SPATA1: variants seen among roughly 807,000 people sequenced by gnomAD.
The protein encoded by SPATA1 is spermatogenesis-associated protein 1.
A neutral mutation model predicts 59.6 loss-of-function variants in SPATA1; 57 were observed. The ratio of observed to expected loss-of-function variants is 0.96; its 90% CI spans 0.77 to 1.19. The LOEUF is 1.19. Among genes scored for constraint, SPATA1 ranks in the 50% most tolerant of loss-of-function variants. SPATA1 has a pLI of 0.00. For missense variants in SPATA1, 448 were observed against 480.7 expected, an observed-to-expected ratio of 0.93 and a Z score of 0.64; for synonymous variants, 147 against 163.9, an observed-to-expected ratio of 0.90 and a Z score of 0.79.
chr1:84,535,841 G>A (rs1031555541), intron 8 of SPATA1, among the ~76,000 whole-genome samples: 2 of 152,050 alleles, frequency 1.3e-5, no homozygotes, highest in African/African-American at 2.4e-5. Flanking sequence ...CTTCCTGAGT[G>A]TGAGAAGTTG....
intron 1 of SPATA1, among the ~76,000 whole-genome samples, chr1:84,515,046 C>T (rs1447336125): frequency 6.6e-6 from 1 of 152,132 alleles, no homozygotes; most frequent in Non-Finnish European, 1.5e-5. Flanking sequence ...TTTTAGCCTA[C>T]TAATTTGCAT....
At chr1:84,565,819 A>C in intron 4 of SPATA1, 42 bp from the exon 14 acceptor site, 1 of 1,305,216 alleles carries the variant, frequency 7.7e-7, no homozygotes, top group Non-Finnish European at 1.0e-6. Context: ...TTATTAATAA[A>C]TGACCATGTT....
intron 1 of SPATA1, among the ~76,000 whole-genome samples, chr1:84,508,031 C>T (rs935126865): frequency 2.6e-5 from 4 of 152,142 alleles, no homozygotes; most frequent in Admixed American, 6.5e-5. Flanking sequence ...CCTGTAATCC[C>T]AGCACTTTAG....
intron 1 of SPATA1, among the ~76,000 whole-genome samples, chr1:84,514,554 G>C (rs1246236): frequency 0.46 from 70,366 of 151,882 alleles, 18,154 homozygotes; most frequent in African/African-American, 0.69. Flanking sequence ...TTTGAGCATT[G>C]CAGATTTCAG....
downstream of SPATA1, among the ~76,000 whole-genome samples, chr1:84,557,621 C>T (rs1316029773): frequency 1.1e-4 from 16 of 150,150 alleles, no homozygotes; most frequent in Admixed American, 1.1e-3. Context: ...TTTGGGAGGC[C>T]GAGATGGGCA....
rs10618711 is a variant in SPATA1, at chr1:84,546,457, C to CA, written c.946+721dup. On this transcript the variant is annotated intron_variant, in intron 10 of 12. Coordinates refer to ENST00000490879, the Ensembl canonical transcript of SPATA1. ...TGGGTGACAAAGCAAGACTCTGCCT[C>CA]AAAAAAAAAAAAAAAAAAAAAAACT... is the stretch of plus-strand genomic sequence containing the variant. Among the ~76,000 whole-genome samples the CA allele has an allele frequency of 6.7e-3, 550 of 81,672 alleles. 4 individuals carry two copies. The highest frequency in any genetic ancestry group is 0.022 in the Middle Eastern group (3 of 138). 53.6% of individuals were successfully genotyped at this position (81,672 alleles called of 152,430 possible).
In SPATA1 at chr1:84,565,793, T is replaced by C. The variant is rs766457857; in HGVS notation, n.443-68T>C. 5.9e-6 allele frequency: 6 copies of C among 1,024,460 alleles called. No individual in the cohort carries two copies. In the African/African-American group the frequency reaches 1.0e-4, roughly 17 times the overall value. 63.5% of individuals were successfully genotyped at this position (1,024,460 alleles called of 1,614,324 possible). ...AAAAACATCTTAATATTTTAATTTATAGAATATTATTAATATTATTAATAA... is the reference window on the plus strand; with the variant it reads ...AAAAACATCTTAATATTTTAATTTACAGAATATTATTAATATTATTAATAA... On this transcript the variant is annotated intron_variant and non_coding_transcript_variant, in intron 4 of 4. Transcript: ENST00000460286.
chr1:84,522,215 G>C (rs1334528101), intron 3 of SPATA1, among the ~76,000 whole-genome samples, 175 bp from the exon 4 acceptor site: 4 of 152,060 alleles, frequency 2.6e-5, no homozygotes, highest in Non-Finnish European at 4.4e-5. Flanking sequence ...TATTTTAAGA[G>C]CTATTTATGG....
chr1:84,559,911 C>A (rs552284281), intron 4 of SPATA1, among the ~76,000 whole-genome samples: 5 of 151,682 alleles, frequency 3.3e-5, no homozygotes, highest in Admixed American at 1.3e-4. Context: ...ATAGTGAAAC[C>A]CCATCTCTAC....
At chr1:84,516,555 G>A (rs1384500301) in intron 2 of SPATA1, among the ~76,000 whole-genome samples, 160 bp downstream of exon 2, 10 of 152,150 alleles carry the variant, frequency 6.6e-5, no homozygotes. Flanking sequence ...CACTTCTCGT[G>A]TCTCTAGCTC....
intron 12 of SPATA1, chr1:84,552,245 A>C (rs1314162934): frequency 6.6e-6 from 1 of 152,200 alleles, no homozygotes; most frequent in African/African-American, 2.4e-5. Flanking sequence ...ATAGTATAGC[A>C]TAAGTAGTGC....
intron 3 of SPATA1, 31 bp downstream of exon 3, chr1:84,520,722 C>A: frequency 1.5e-6 from 2 of 1,336,998 alleles, no homozygotes; most frequent in Non-Finnish European, 2.0e-6. Flanking sequence ...TAACAATATG[C>A]CTGAAAGAAG....
intron 4 of SPATA1, among the ~76,000 whole-genome samples, chr1:84,562,676 A>T (rs1684617162): frequency 6.6e-6 from 1 of 152,254 alleles, no homozygotes; most frequent in Non-Finnish European, 1.5e-5. Context: ...AGCAATTCCT[A>T]TTAAACACTA....
At chr1:84,550,516 A>T (rs1684238218) in exon 12 of SPATA1, 1 of 1,546,428 alleles carries the variant, frequency 6.5e-7, no homozygotes. Flanking sequence ...AATGAAACTC[A>T]TAGTAGAAGT....
chr1:84,554,220 GAATA>G (rs2102013167), exon 13 of SPATA1: 1 of 151,092 alleles, frequency 6.6e-6, no homozygotes, highest in African/African-American at 2.5e-5. Context: ...ATGAAGAAAT[GAATA>G]ATTAGAAGTG....
chr1:84,511,440 T>C (rs1377948266), intron 1 of SPATA1, among the ~76,000 whole-genome samples: 1 of 152,292 alleles, frequency 6.6e-6, no homozygotes, highest in African/African-American at 2.4e-5. Flanking sequence ...AAGACAAGTA[T>C]GCCATTTTGT....
At chr1:84,562,417 A>G (rs890049667) in intron 4 of SPATA1, among the ~76,000 whole-genome samples, 6 of 152,238 alleles carry the variant, frequency 3.9e-5, no homozygotes, top group Admixed American at 1.3e-4. Flanking sequence ...ATACACATGT[A>G]TATCAATTAT....
rs1045281118 is a variant in SPATA1, at chr1:84,516,305, T to TA, written c.-48dup. 8.2e-6 allele frequency: 12 copies of TA among 1,455,980 alleles called. No homozygotes were observed. Among genetic ancestry groups the TA allele is most frequent in the African/African-American group, 4.4e-5 (3 of 67,762 alleles). 90.2% of individuals were successfully genotyped at this position (1,455,980 alleles called of 1,614,324 possible). The stretch of plus-strand genomic sequence containing the variant: ...TTAGTACTACTTAAATGAAGAAAGA[T>TA]AAAAAAAGAAACAAAATTCCAATTG... On this transcript the variant is annotated 5_prime_UTR_variant, in exon 2 of 13. The change creates a premature stop within an existing upstream ORF in the 5' untranslated region. Transcript: ENST00000490879.
At chr1:84,555,171 C>G, downstream of SPATA1, 1 of 1,613,548 alleles carries the variant, frequency 6.2e-7, no homozygotes, top group Non-Finnish European at 8.5e-7. Flanking sequence ...GTTATCATAC[C>G]ATACTTGATG....
Sources: gnomAD v4.1 joint callset for allele counts (sites outside exome capture counted in the v4.1 genomes callset) on GRCh38, gnomAD v4.1.1 for gene constraint, MANE v1.5 for transcripts, NCBI Gene and HGNC (gene_info 2026-07-23, HGNC 2026-07-21) for gene names.